The following PLVAP variants were observed in gnomAD, a reference collection of about 807,000 sequenced individuals.
The protein encoded by PLVAP is plasmalemma vesicle-associated protein.
In PLVAP, 34 loss-of-function variants were observed where a neutral mutation model predicts 43.1. That is an observed-to-expected ratio of 0.79 (90% CI 0.60 to 1.05). The LOEUF (loss-of-function observed/expected upper bound fraction) is 1.05, where lower values mean the gene tolerates loss of function less well. Among genes scored for constraint, PLVAP ranks in the 50% least tolerant of loss-of-function variants. The pLI, the probability that PLVAP is intolerant of heterozygous loss-of-function variation, is 0.00. For synonymous variants in PLVAP, 241 were observed against 237.3 expected, an observed-to-expected ratio of 1.02 and a Z score of -0.14; for missense variants, 574 against 593.4, an observed-to-expected ratio of 0.97 and a Z score of 0.34.
At chr19:17,362,522 T>C (rs1280748762) in intron 3 of PLVAP, 1 of 152,398 alleles carries the variant, frequency 6.6e-6, no homozygotes, top group African/African-American at 2.4e-5. Flanking sequence ...TCCTAACCCA[T>C]TGTCAATACC....
intron 1 of PLVAP, among the ~76,000 whole-genome samples, chr19:17,366,857 A>G (rs957989096): frequency 1.3e-5 from 2 of 151,366 alleles, no homozygotes; most frequent in Admixed American, 1.3e-4. Context: ...GCTGGTCTTG[A>G]ACTCCTGATC....
At chr19:17,358,899 G>A (rs545201349) in intron 5 of PLVAP, among the ~76,000 whole-genome samples, 101 of 151,122 alleles carry the variant, frequency 6.7e-4, no homozygotes, top group African/African-American at 2.2e-3. Context: ...TCCTGGACTC[G>A]GGCGATCTTC....
chr19:17,372,886 C>T (rs1039745012), intron 1 of PLVAP, among the ~76,000 whole-genome samples: 1 of 147,974 alleles, frequency 6.8e-6, no homozygotes, highest in Non-Finnish European at 1.5e-5. Context: ...CATAGTGAAA[C>T]CCCGTCTCTA....
At chr19:17,372,663 A>G (rs1350275577) in intron 1 of PLVAP, among the ~76,000 whole-genome samples, 1 of 149,784 alleles carries the variant, frequency 6.7e-6, no homozygotes, top group Non-Finnish European at 1.5e-5. Context: ...TCACTGTGTT[A>G]GCCAGCATGG....
intron 5 of PLVAP, among the ~76,000 whole-genome samples, 194 bp downstream of exon 5, chr19:17,360,334 T>G (rs2074523026): frequency 1.3e-5 from 2 of 152,290 alleles, no homozygotes; most frequent in South Asian, 4.1e-4. Context: ...TCAGGGAGTT[T>G]CATGAGGACA....
At chr19:17,363,024 C>G (rs1307314718) in intron 3 of PLVAP, among the ~76,000 whole-genome samples, 1 of 152,190 alleles carries the variant, frequency 6.6e-6, no homozygotes, top group Non-Finnish European at 1.5e-5. Flanking sequence ...TAAAAGAACC[C>G]ACCAGCTCCC....
intron 1 of PLVAP, among the ~76,000 whole-genome samples, chr19:17,367,964 C>A (rs1277419630): frequency 6.6e-6 from 1 of 151,928 alleles, no homozygotes; most frequent in Non-Finnish European, 1.5e-5. Context: ...ATGGCTCGAT[C>A]TCAGCTCACT....
At chr19:17,368,241 T>C (rs1599577034) in intron 1 of PLVAP, among the ~76,000 whole-genome samples, 2 of 152,076 alleles carry the variant, frequency 1.3e-5, no homozygotes, top group African/African-American at 2.4e-5. Flanking sequence ...TTGGCTAATA[T>C]TGTATTTTTT....
chr19:17,366,864 G>A (rs183179488), intron 1 of PLVAP, among the ~76,000 whole-genome samples: 186 of 151,078 alleles, frequency 1.2e-3, no homozygotes, highest in South Asian at 3.6e-3. Flanking sequence ...TTGAACTCCT[G>A]ATCTCAGGTG....
chr19:17,375,039 C>T (rs936465435), intron 1 of PLVAP, among the ~76,000 whole-genome samples: 3 of 152,108 alleles, frequency 2.0e-5, no homozygotes, highest in South Asian at 4.1e-4. Context: ...CCAGGCTGGT[C>T]TCAAATTTCT....
At chr19:17,356,697 C>A (rs557989131) in intron 5 of PLVAP, among the ~76,000 whole-genome samples, 25 of 151,530 alleles carry the variant, frequency 1.6e-4, no homozygotes, top group Admixed American at 6.6e-4. Context: ...TGATGGCTCA[C>A]GCCTGTAATC....
chr19:17,375,823 G>T (rs987756446), intron 1 of PLVAP, among the ~76,000 whole-genome samples: 2 of 151,296 alleles, frequency 1.3e-5, no homozygotes, highest in Non-Finnish European at 2.9e-5. Context: ...GGAGGTTGCA[G>T]TGAGGCGAGA....
chr19:17,357,979 A>G (rs545416438), intron 5 of PLVAP, among the ~76,000 whole-genome samples: 2 of 152,292 alleles, frequency 1.3e-5, no homozygotes, highest in Admixed American at 1.3e-4. Flanking sequence ...CTGATTCTCC[A>G]CTGTGTGACC....
intron 5 of PLVAP, among the ~76,000 whole-genome samples, chr19:17,358,004 T>C (rs2074513121): frequency 1.3e-5 from 2 of 152,150 alleles, no homozygotes. Context: ...GCTGCTCACT[T>C]CCCTGGGGCC....
At chr19:17,370,149 A>C (rs1302466812) in intron 1 of PLVAP, among the ~76,000 whole-genome samples, 1 of 152,172 alleles carries the variant, frequency 6.6e-6, no homozygotes, top group Non-Finnish European at 1.5e-5. Flanking sequence ...GAACAGTAAC[A>C]GGTGTTGATG....
intron 1 of PLVAP, 40 bp from the exon 2 acceptor site, chr19:17,366,235 G>C (rs748955046): frequency 1.2e-6 from 2 of 1,600,362 alleles, no homozygotes; most frequent in Non-Finnish European, 1.7e-6. Context: ...ACAGAGCTTA[G>C]TGTCTTGCCC....
At chr19:17,371,540 A>C (rs1009818979) in intron 1 of PLVAP, among the ~76,000 whole-genome samples, 1 of 151,576 alleles carries the variant, frequency 6.6e-6, no homozygotes, top group Non-Finnish European at 1.5e-5. Context: ...CCCAGGCTGG[A>C]GTGTGGTGGT....
Position 17,365,342 on chromosome 19 carries a change from G to A in PLVAP, c.1123C>T (p.Leu375Phe). ...LEEKKREAEQ[L>F]RMELAIRNSA... ...TTTCTGATGGCCAGCTCCATCCTGA[G>A]CTGCTCCGCCTCCCTCTTCTTCTCT... The change falls in exon 3 of 6, where the codon CTC becomes TTC. Residue 375 changes from leucine to phenylalanine, a missense_variant. Physicochemically the swap from Leu to Phe is conservative, Grantham distance 22. Transcript: ENST00000252590. 6.2e-7 allele frequency: 1 copy of A among 1,613,368 alleles called. No homozygotes were observed. Among genetic ancestry groups the A allele is most frequent in the East Asian group, 2.2e-5 (1 of 44,878 alleles).
At chr19:17,354,118 C>A (rs2074496701) in intron 5 of PLVAP, among the ~76,000 whole-genome samples, 1 of 151,864 alleles carries the variant, frequency 6.6e-6, no homozygotes, top group Admixed American at 6.6e-5. Context: ...GGTGAAAACT[C>A]ATTTCTACTA....
Sources: allele counts gnomAD v4.1 joint callset (sites outside exome capture counted in the v4.1 genomes callset), GRCh38; gene constraint gnomAD v4.1.1; transcripts MANE v1.5; gene names NCBI Gene and HGNC (gene_info 2026-07-23, HGNC 2026-07-21).